GRM7: variants seen among roughly 807,000 people sequenced by gnomAD.
GRM7 encodes metabotropic glutamate receptor 7.
GRM7 carries 35 observed loss-of-function variants against 84.5 expected under a neutral mutation model. The ratio of observed to expected loss-of-function variants is 0.41; its 90% CI spans 0.32 to 0.55. GRM7 has a LOEUF of 0.55. Ranked by LOEUF, GRM7 falls within the 20% of genes least tolerant of loss-of-function variation. The pLI is 0.19. For missense variants in GRM7, 1,003 were observed against 1,194.6 expected, an observed-to-expected ratio of 0.84 and a Z score of 2.36; for synonymous variants, 487 against 455.1, an observed-to-expected ratio of 1.07 and a Z score of -0.89.
chr3:7,004,845 A>G lies in GRM7; in HGVS notation c.520-141607A>G, dbSNP rs190195843. ...TTAGAGGCCCCTACAAGAAGCTTGG[A>G]TGACTCCAAAAAAGCACATCCGACA... On this transcript the variant is annotated intron_variant, in intron 1 of 9. Transcript: ENST00000357716. Among the ~76,000 whole-genome samples the G allele has an allele frequency of 3.2e-3, 480 of 152,306 alleles. 3 individuals are homozygous for G. Among genetic ancestry groups the G allele is most frequent in the Non-Finnish European group, 5.0e-3 (343 of 68,026 alleles).
intron 4 of GRM7, among the ~76,000 whole-genome samples, chr3:7,412,751 T>G (rs1205077655): frequency 6.6e-6 from 1 of 151,920 alleles, no homozygotes; most frequent in Non-Finnish European, 1.5e-5. Context: ...AATTTATCTG[T>G]CTAATAAAAG....
chr3:6,862,224 A>G lies in GRM7; in HGVS notation c.519+317A>G, dbSNP rs1451988049. 2.0e-5 allele frequency among the ~76,000 whole-genome samples: 3 copies of G among 152,108 alleles called. No homozygotes were observed. Among genetic ancestry groups the G allele is most frequent in the East Asian group, 1.9e-4 (1 of 5,166 alleles). ...TTGCATTAGGGTGAAATATGGTCCG[A>G]AAACAGGCTCGTAAAAGTGCCAGGC... On this transcript the variant is annotated intron_variant, in intron 1 of 9. Transcript: ENST00000357716. The surrounding 1 kb of genome is among the most constrained non-coding windows in gnomAD (Gnocchi z 5.2).
At chr3:7,553,812 A>G (rs1011533350) in intron 7 of GRM7, among the ~76,000 whole-genome samples, 12 of 152,156 alleles carry the variant, frequency 7.9e-5, no homozygotes, top group African/African-American at 2.9e-4. Flanking sequence ...TGGGATTACA[A>G]TTCGATATGA....
At chr3:7,054,465 A>C (rs982758778) in intron 1 of GRM7, among the ~76,000 whole-genome samples, 1 of 151,476 alleles carries the variant, frequency 6.6e-6, no homozygotes, top group Non-Finnish European at 1.5e-5. Flanking sequence ...GTCTGAGTGC[A>C]CTGGGATGCA....
chr3:7,302,931 A>ATTTTTTTTTTTTTTTTTT (rs761399796), intron 3 of GRM7, among the ~76,000 whole-genome samples: 8 of 121,940 alleles, frequency 6.6e-5, no homozygotes, highest in East Asian at 2.4e-4. Flanking sequence ...TGATTGTTCT[A>ATTTTTTTTTTTTTTTTTT]TTTTTTTTTT....
intron 1 of GRM7, among the ~76,000 whole-genome samples, chr3:6,887,553 C>T (rs1695747731): frequency 6.6e-6 from 1 of 152,168 alleles, no homozygotes; most frequent in African/African-American, 2.4e-5. Context: ...CTACAAAGGA[C>T]ATGAACTCAT....
At chr3:7,193,858 C>T (rs540068603) in intron 2 of GRM7, among the ~76,000 whole-genome samples, 11 of 152,138 alleles carry the variant, frequency 7.2e-5, no homozygotes, top group Middle Eastern at 3.4e-3. Context: ...CTGGAAGAAA[C>T]CTTGTAGCAC....
intron 9 of GRM7, among the ~76,000 whole-genome samples, chr3:7,685,888 C>T (rs536732390): frequency 6.6e-6 from 1 of 151,862 alleles, no homozygotes; most frequent in African/African-American, 2.4e-5. Context: ...TTCTAGAACA[C>T]ACTTCTGTGC....
intron 3 of GRM7, among the ~76,000 whole-genome samples, chr3:7,302,912 A>C (rs1700054224): frequency 7.2e-6 from 1 of 138,324 alleles, no homozygotes; most frequent in Non-Finnish European, 1.5e-5. Flanking sequence ...GGCCAGAAGT[A>C]TTAACATTTG....
intron 9 of GRM7, among the ~76,000 whole-genome samples, chr3:7,721,984 C>T (rs1701966833): frequency 6.6e-6 from 1 of 152,192 alleles, no homozygotes; most frequent in African/African-American, 2.4e-5. Flanking sequence ...AATATGTTGA[C>T]AAACATTTGA....
At chr3:7,201,940 C>G (rs1335745274) in intron 2 of GRM7, among the ~76,000 whole-genome samples, 2 of 152,126 alleles carry the variant, frequency 1.3e-5, no homozygotes, top group Non-Finnish European at 2.9e-5. Flanking sequence ...ATTGCCTTGA[C>G]AGGATGTGGC....
chr3:7,391,304 CA>C, intron 4 of GRM7, among the ~76,000 whole-genome samples: 1 of 152,220 alleles, frequency 6.6e-6, no homozygotes, highest in Non-Finnish European at 1.5e-5. Flanking sequence ...GACTTGGAAC[CA>C]ACCCAAATGT....
chr3:7,735,242 T>C (rs1401235047), intron 9 of GRM7, among the ~76,000 whole-genome samples: 1 of 152,180 alleles, frequency 6.6e-6, no homozygotes, highest in Non-Finnish European at 1.5e-5. Context: ...TTGGACAAAG[T>C]TGTATCAGGC....
At chr3:7,659,072 C>T (rs148198637) in intron 8 of GRM7, among the ~76,000 whole-genome samples, 1 of 152,188 alleles carries the variant, frequency 6.6e-6, no homozygotes, top group Non-Finnish European at 1.5e-5. Flanking sequence ...ATTCGTTTGT[C>T]TGAATTGCTC....
chr3:7,030,281 T>C (rs1356717313), intron 1 of GRM7, among the ~76,000 whole-genome samples: 1 of 152,192 alleles, frequency 6.6e-6, no homozygotes, highest in Non-Finnish European at 1.5e-5. Context: ...TGGTGGCTTG[T>C]AGGTTTGTAC....
chr3:7,432,939 AAAG>A (rs2124852496), intron 5 of GRM7, among the ~76,000 whole-genome samples: 1 of 152,298 alleles, frequency 6.6e-6, no homozygotes, highest in East Asian at 1.9e-4. Flanking sequence ...TGAGAATGGA[AAAG>A]AAGGAATTTA....
At chr3:7,085,520 G>A (rs908060618) in intron 1 of GRM7, among the ~76,000 whole-genome samples, 2 of 151,984 alleles carry the variant, frequency 1.3e-5, no homozygotes, top group South Asian at 4.1e-4. Flanking sequence ...GGTATGTTTC[G>A]ATGATCTAGA....
At chr3:7,168,555 A>C (rs764438625) in intron 2 of GRM7, among the ~76,000 whole-genome samples, 10 of 152,156 alleles carry the variant, frequency 6.6e-5, no homozygotes, top group Non-Finnish European at 1.2e-4. Flanking sequence ...CTTTGATCTT[A>C]GACTCTCCAG....
intron 1 of GRM7, among the ~76,000 whole-genome samples, chr3:7,128,026 T>G (rs1407061825): frequency 1.3e-5 from 2 of 151,810 alleles, no homozygotes; most frequent in Non-Finnish European, 2.9e-5. Context: ...GAGATAAAGG[T>G]AAAAGATGGC....
Sources: allele counts gnomAD v4.1 joint callset (sites outside exome capture counted in the v4.1 genomes callset), GRCh38; gene constraint gnomAD v4.1.1; non-coding constraint Gnocchi (gnomAD v3.1); transcripts MANE v1.5; gene names NCBI Gene and HGNC (gene_info 2026-07-23, HGNC 2026-07-21).